The following WWOX variants were observed in gnomAD, a reference collection of about 807,000 sequenced individuals.
The protein encoded by WWOX is WW domain-containing oxidoreductase.
Under a neutral mutation model 46.2 loss-of-function variants are expected in WWOX, and 69 were observed. The observed-to-expected ratio is 1.49, with a 90% CI of 1.23 to 1.82. The LOEUF (loss-of-function observed/expected upper bound fraction) is 1.82, where lower values mean the gene tolerates loss of function less well. WWOX is among the 40% of genes most tolerant of loss of function. The probability of loss-of-function intolerance (pLI) is 0.00; values close to 1 mark genes in which losing one functional copy is unlikely to be tolerated. For missense variants in WWOX, 919 were observed against 542.6 expected (o/e 1.69, Z -6.89); for synonymous variants, 359 against 202.6 (o/e 1.77, Z -6.56).
At position 78,627,831 on chromosome 16, in the gene WWOX, G is replaced by A. The variant is rs148751071; in HGVS notation, c.1056+195079G>A. ...GGGTGTTGGGCTCTGACAAGATGAT[G>A]CCGACTTAGACAGTGTTAGTCAACA... is the stretch of plus-strand genomic sequence containing the variant. On this transcript the variant is annotated intron_variant, in intron 8 of 8. Coordinates refer to ENST00000566780, the MANE Select transcript of WWOX (RefSeq NM_016373.4). 4.0e-3 allele frequency among the ~76,000 whole-genome samples: 607 copies of A among 152,348 alleles called. 4 individuals carry two copies. Among genetic ancestry groups the A allele is most frequent in the African/African-American group, 0.014 (587 of 41,576 alleles).
At chr16:78,370,196 C>T (rs1168240151) in intron 5 of WWOX, among the ~76,000 whole-genome samples, 1 of 150,244 alleles carries the variant, frequency 6.7e-6, no homozygotes, top group Non-Finnish European at 1.5e-5. Flanking sequence ...TATCTTTGCT[C>T]CAAAAGCAAA....
chr16:78,299,150 T>C (rs953994713), intron 5 of WWOX, among the ~76,000 whole-genome samples: 4 of 152,178 alleles, frequency 2.6e-5, no homozygotes, highest in Non-Finnish European at 5.9e-5. Context: ...CCCAGAAGAC[T>C]GACTCTCAGA....
chr16:78,533,962 A>C (rs1300131484), intron 8 of WWOX, among the ~76,000 whole-genome samples: 1 of 152,230 alleles, frequency 6.6e-6, no homozygotes, highest in African/African-American at 2.4e-5. Flanking sequence ...GTAACCCTAC[A>C]TTCTAGCGTA....
intron 8 of WWOX, among the ~76,000 whole-genome samples, chr16:79,050,681 C>T (rs112098286): frequency 1.2e-4 from 19 of 152,158 alleles, no homozygotes; most frequent in South Asian, 4.1e-4. Flanking sequence ...ACATGACTTC[C>T]GTTACAATTG....
intron 8 of WWOX, among the ~76,000 whole-genome samples, chr16:78,839,363 A>G (rs572633863): frequency 3.3e-5 from 5 of 152,034 alleles, no homozygotes; most frequent in South Asian, 2.1e-4. Context: ...CAACCTTTTC[A>G]TGTCCTCAGA....
intron 8 of WWOX, among the ~76,000 whole-genome samples, chr16:79,156,468 C>T (rs2050384178): frequency 6.6e-6 from 1 of 152,148 alleles, no homozygotes; most frequent in African/African-American, 2.4e-5. Flanking sequence ...GCAACAATTG[C>T]AGTTTTTAAA....
At chr16:78,129,883 G>C (rs2033519713) in intron 4 of WWOX, among the ~76,000 whole-genome samples, 1 of 152,080 alleles carries the variant, frequency 6.6e-6, no homozygotes, top group Non-Finnish European at 1.5e-5. Context: ...ATTTGGACAT[G>C]GTTGTGTCCC....
chr16:79,039,609 C>G (rs959074845), intron 8 of WWOX, among the ~76,000 whole-genome samples: 1 of 152,200 alleles, frequency 6.6e-6, no homozygotes, highest in Non-Finnish European at 1.5e-5. Context: ...AGGGTTTTGC[C>G]TTCCTACCGT....
chr16:78,599,621 C>G (rs568478633), intron 8 of WWOX, among the ~76,000 whole-genome samples: 284 of 152,330 alleles, frequency 1.9e-3, no homozygotes, highest in Non-Finnish European at 2.9e-3. Flanking sequence ...CAGCAAAACC[C>G]AGGCCTGCCA....
chr16:78,241,584 A>G (rs1034049287), intron 5 of WWOX, among the ~76,000 whole-genome samples: 8 of 152,082 alleles, frequency 5.3e-5, no homozygotes, highest in Non-Finnish European at 1.2e-4. Context: ...GACTACAGGC[A>G]TGTGCTACCA....
At chr16:78,458,436 T>C (rs1567585294) in intron 8 of WWOX, among the ~76,000 whole-genome samples, 1 of 151,954 alleles carries the variant, frequency 6.6e-6, no homozygotes, top group East Asian at 1.9e-4. Context: ...ATGTTTTTAA[T>C]TTTTTATAGA....
chr16:78,961,762 T>G (rs1383452275), intron 8 of WWOX, among the ~76,000 whole-genome samples: 1 of 152,192 alleles, frequency 6.6e-6, no homozygotes, highest in Non-Finnish European at 1.5e-5. Context: ...TGGGGAACTT[T>G]ATCTTTTAAA....
chr16:78,889,646 C>G (rs540439264), intron 8 of WWOX, among the ~76,000 whole-genome samples: 8 of 152,222 alleles, frequency 5.3e-5, no homozygotes, highest in African/African-American at 1.7e-4. Context: ...TTGTTGTTTC[C>G]TTTTCACTAG....
chr16:78,562,571 C>T (rs187430646), intron 8 of WWOX, among the ~76,000 whole-genome samples: 1 of 152,276 alleles, frequency 6.6e-6, no homozygotes, highest in East Asian at 1.9e-4. Flanking sequence ...CACGTGCCTC[C>T]CTCTGGGCTG....
chr16:78,470,764 G>A (rs61081248), intron 8 of WWOX, among the ~76,000 whole-genome samples: 1 of 152,016 alleles, frequency 6.6e-6, no homozygotes, highest in African/African-American at 2.4e-5. Flanking sequence ...CCTGACCTCA[G>A]GTGATTGACC....
At chr16:78,945,726 C>T (rs1022011372) in intron 8 of WWOX, among the ~76,000 whole-genome samples, 2 of 151,960 alleles carry the variant, frequency 1.3e-5, no homozygotes, top group Non-Finnish European at 2.9e-5. Flanking sequence ...TTGCTTCATT[C>T]ATTTCTTTCC....
At chr16:79,112,851 GAAGTGAGCC>G (rs2049443247) in intron 8 of WWOX, among the ~76,000 whole-genome samples, 1 of 152,204 alleles carries the variant, frequency 6.6e-6, no homozygotes, top group Non-Finnish European at 1.5e-5. Flanking sequence ...GTCAGATTCT[GAAGTGAGCC>G]AAGTGAGACC....
At chr16:78,217,262 G>T (rs1046509587) in intron 5 of WWOX, among the ~76,000 whole-genome samples, 1 of 152,148 alleles carries the variant, frequency 6.6e-6, no homozygotes, top group African/African-American at 2.4e-5. Context: ...TGCCTGCCTT[G>T]CAGGATATGT....
chr16:79,210,382 A>G (rs1326304834), intron 8 of WWOX, among the ~76,000 whole-genome samples: 1 of 152,208 alleles, frequency 6.6e-6, no homozygotes, highest in Non-Finnish European at 1.5e-5. Context: ...AAACCAGACC[A>G]TTTGAGGGAA....
Sources: gnomAD v4.1 joint callset for allele counts (sites outside exome capture counted in the v4.1 genomes callset) on GRCh38, gnomAD v4.1.1 for gene constraint, MANE v1.5 for transcripts, NCBI Gene and HGNC (gene_info 2026-07-23, HGNC 2026-07-21) for gene names.